Variants in CDH6 observed in about 807,000 individuals in gnomAD.
The protein encoded by CDH6 is cadherin 6, also known as cadherin-6.
A neutral mutation model predicts 78.0 loss-of-function variants in CDH6; 31 were observed. The observed-to-expected ratio is 0.40, with a 90% confidence interval of 0.30 to 0.54. CDH6 has a LOEUF of 0.54. CDH6 is among the 20% of genes least tolerant of loss of function. The pLI is 0.56. For missense variants in CDH6, 724 were observed against 975.9 expected (o/e 0.74, Z 3.44); for synonymous variants, 376 against 368.8 (o/e 1.02, Z -0.23).
At chr5:31,279,808 A>C (rs911730449) in intron 2 of CDH6, among the ~76,000 whole-genome samples, 2 of 152,126 alleles carry the variant, frequency 1.3e-5, no homozygotes, top group Admixed American at 1.3e-4. Flanking sequence ...TCAAAGGTCA[A>C]CTGTACTTTC....
chr5:31,279,446 G>T (rs550680059), intron 2 of CDH6, among the ~76,000 whole-genome samples: 1 of 152,220 alleles, frequency 6.6e-6, no homozygotes, highest in African/African-American at 2.4e-5. Flanking sequence ...AGGCGTGGTG[G>T]CATGCACCTG....
intron 2 of CDH6, among the ~76,000 whole-genome samples, chr5:31,291,163 A>G (rs1196308282): frequency 2.0e-5 from 3 of 152,180 alleles, no homozygotes; most frequent in African/African-American, 4.8e-5. Context: ...AGTATAATAA[A>G]TCATATGTAA....
rs922545465 is a variant in CDH6 at position 31,231,531 on chromosome 5, C to T, written c.-128-35815C>T. Among the ~76,000 whole-genome samples the T allele has an allele frequency of 3.7e-4, 56 of 152,120 alleles. 2 individuals are homozygous for T. On this transcript the variant is annotated intron_variant, in intron 1 of 11. Coordinates refer to ENST00000265071, the MANE Select transcript of CDH6 (RefSeq NM_004932.4). ...TCTACAATTTGGAGAGCTGAGAAGT[C>T]CAAGGTCAAGGGGACATATCTGGTG...
chr5:31,247,031 A>T (rs1181978485), intron 1 of CDH6, among the ~76,000 whole-genome samples: 1 of 152,226 alleles, frequency 6.6e-6, no homozygotes, highest in Admixed American at 6.5e-5. Context: ...GATTACAGGC[A>T]TGAGCTACCG....
chr5:31,302,955 G>GAA (rs1390790947), intron 6 of CDH6, among the ~76,000 whole-genome samples: 2 of 122,398 alleles, frequency 1.6e-5, no homozygotes, highest in Admixed American at 8.3e-5. Flanking sequence ...AAGAAAGAAA[G>GAA]AAGGAAAGAA....
chr5:31,227,577 A>G (rs1302258811), intron 1 of CDH6, among the ~76,000 whole-genome samples: 1 of 152,178 alleles, frequency 6.6e-6, no homozygotes, highest in East Asian at 1.9e-4. Flanking sequence ...ATCAGAGGCA[A>G]ACACCCTAGT....
chr5:31,242,708 G>GGT (rs1554005345), intron 1 of CDH6, among the ~76,000 whole-genome samples: 2 of 150,326 alleles, frequency 1.3e-5, no homozygotes, highest in Admixed American at 1.3e-4. Context: ...GAATGGGGGG[G>GGT]GGCGGTTAGA....
chr5:31,223,655 G>A (rs946822049), intron 1 of CDH6, among the ~76,000 whole-genome samples: 10 of 152,084 alleles, frequency 6.6e-5, no homozygotes, highest in African/African-American at 2.4e-4. Flanking sequence ...TGGTTCCGGT[G>A]GTGTATGTTG....
chr5:31,242,645 C>G (rs944338301), intron 1 of CDH6, among the ~76,000 whole-genome samples: 12 of 150,764 alleles, frequency 8.0e-5, no homozygotes, highest in Non-Finnish European at 1.6e-4. Context: ...GGGAGGAGAT[C>G]TGATAGAACT....
chr5:31,307,669 G>GA (rs970919665), intron 7 of CDH6, among the ~76,000 whole-genome samples: 1 of 152,024 alleles, frequency 6.6e-6, no homozygotes, highest in African/African-American at 2.4e-5. Flanking sequence ...ACTGCATAAG[G>GA]AAAAAAATCT....
intron 2 of CDH6, among the ~76,000 whole-genome samples, chr5:31,275,871 C>T (rs1742675461): frequency 6.6e-6 from 1 of 152,288 alleles, no homozygotes; most frequent in East Asian, 1.9e-4. Flanking sequence ...TTAGAGGCCT[C>T]AACCTCTCTA....
chr5:31,273,541 A>T (rs1379915658), intron 2 of CDH6, among the ~76,000 whole-genome samples: 1 of 152,212 alleles, frequency 6.6e-6, no homozygotes, highest in Non-Finnish European at 1.5e-5. Flanking sequence ...CACACTGCTA[A>T]GACCCCGACA....
intron 1 of CDH6, among the ~76,000 whole-genome samples, chr5:31,231,824 C>G (rs951384956): frequency 2.6e-5 from 4 of 152,180 alleles, no homozygotes; most frequent in African/African-American, 9.7e-5. Flanking sequence ...GATAAATATT[C>G]AAACCATAGC....
chr5:31,300,946 C>T (rs1737749097), intron 5 of CDH6, among the ~76,000 whole-genome samples: 1 of 152,128 alleles, frequency 6.6e-6, no homozygotes, highest in Non-Finnish European at 1.5e-5. Context: ...CATAGTGAGA[C>T]CCTGTGTCTA....
At chr5:31,314,903 TCTAA>T (rs1485106259) in intron 8 of CDH6, among the ~76,000 whole-genome samples, 4 of 152,190 alleles carry the variant, frequency 2.6e-5, no homozygotes, top group Non-Finnish European at 5.9e-5. Flanking sequence ...ATTCAGCTGC[TCTAA>T]CTTTCAAAGA....
intron 1 of CDH6, among the ~76,000 whole-genome samples, chr5:31,241,904 C>T (rs1350789517): frequency 6.6e-6 from 1 of 152,218 alleles, no homozygotes; most frequent in Non-Finnish European, 1.5e-5. Context: ...AGTTGTTCCA[C>T]TCTTCCATTA....
At position 31,317,909 on chromosome 5, in the gene CDH6, A is replaced by T. The variant is rs1229522926; in HGVS notation, c.1867A>T (p.Ile623Phe). Reference protein sequence around the residue: ...TGALVAILLCIVILLVTVVLF... With the variant: ...TGALVAILLCFVILLVTVVLF... ...GGCTCTGGTTGCCATCCTTCTGTGC[A>T]TCGTGATCCTACTAGGTAAACTGGT... The change falls in exon 11 of 12, where the codon ATC becomes TTC. Residue 623 changes from isoleucine to phenylalanine, a missense_variant. By Grantham distance (21) the Ile-to-Phe change is conservative. Coordinates refer to ENST00000265071, the MANE Select transcript of CDH6 (RefSeq NM_004932.4). The T allele has an allele frequency of 6.2e-7, 1 of 1,613,418 alleles. No individual in the cohort carries two copies. Among genetic ancestry groups the T allele is most frequent in the East Asian group, 2.2e-5 (1 of 44,872 alleles).
chr5:31,312,290 A>C (rs1213736187), intron 7 of CDH6, among the ~76,000 whole-genome samples: 1 of 152,150 alleles, frequency 6.6e-6, no homozygotes, highest in Non-Finnish European at 1.5e-5. Flanking sequence ...ATCTTCCCCG[A>C]ATCCTGTTTT....
intron 1 of CDH6, among the ~76,000 whole-genome samples, chr5:31,224,617 A>G (rs939211755): frequency 7.2e-5 from 11 of 152,128 alleles, no homozygotes; most frequent in South Asian, 2.1e-4. Flanking sequence ...CAGTGGCCCA[A>G]TTATGGCTCA....
Sources: gnomAD v4.1 joint callset for allele counts (sites outside exome capture counted in the v4.1 genomes callset) on GRCh38, gnomAD v4.1.1 for gene constraint, MANE v1.5 for transcripts, NCBI Gene and HGNC (gene_info 2026-07-23, HGNC 2026-07-21) for gene names.